The following EPM2A variants were observed in gnomAD, a reference collection of about 807,000 sequenced individuals.
EPM2A encodes laforin.
EPM2A carries 21 observed loss-of-function variants against 26.5 expected under a neutral mutation model. The ratio of observed to expected loss-of-function variants is 0.79; its 90% CI spans 0.56 to 1.14. The LOEUF is 1.14. Among genes scored for constraint, EPM2A ranks in the 50% most tolerant of loss-of-function variants. The probability of loss-of-function intolerance (pLI) is 0.00; values close to 1 mark genes in which losing one functional copy is unlikely to be tolerated. For missense variants in EPM2A, 458 were observed against 440.8 expected, an observed-to-expected ratio of 1.04 and a Z score of -0.35; for synonymous variants, 217 against 177.6, an observed-to-expected ratio of 1.22 and a Z score of -1.76.
chr6:145,512,277 G>T (rs1207389408), intron 2 of EPM2A, among the ~76,000 whole-genome samples: 1 of 151,958 alleles, frequency 6.6e-6, no homozygotes, highest in Non-Finnish European at 1.5e-5. Context: ...CCAAAAAATA[G>T]CCTGAATTGC....
intron 2 of EPM2A, among the ~76,000 whole-genome samples, chr6:145,663,237 T>G (rs141841223): frequency 4.6e-5 from 7 of 152,200 alleles, no homozygotes; most frequent in Non-Finnish European, 8.8e-5. Flanking sequence ...ACATTAAGAT[T>G]AATAATAATT....
rs540612471 is a variant in EPM2A at position 145,445,178 on chromosome 6, G to GT, written c.555+57343dup. Among the ~76,000 whole-genome samples the GT allele has an allele frequency of 1.5e-4, 22 of 151,472 alleles. No individual in the cohort carries two copies. The South Asian group carries it at 4.4e-3, about 30-fold the overall frequency. ...AGGTGAGAGCTTAGAACTTTCTCTA[G>GT]TTTTTTTTTCTAAGTATGTACACAG... On this transcript the variant is annotated intron_variant, in intron 4 of 4. Coordinates refer to the EPM2A transcript ENST00000638717.
chr6:145,489,463 C>G (rs149322903), intron 4 of EPM2A, among the ~76,000 whole-genome samples: 190 of 152,302 alleles, frequency 1.2e-3, no homozygotes, highest in African/African-American at 4.1e-3. Context: ...CCTCCTCTGG[C>G]ATTGAGCTGG....
At chr6:145,697,793 A>G (rs375077608) in intron 1 of EPM2A, among the ~76,000 whole-genome samples, 60 of 152,272 alleles carry the variant, frequency 3.9e-4, no homozygotes, top group African/African-American at 1.3e-3. Flanking sequence ...TTCCCTGAAC[A>G]TTGCTGCTAT....
intron 4 of EPM2A, chr6:145,490,218 T>A: frequency 2.6e-6 from 3 of 1,138,332 alleles, no homozygotes; most frequent in Non-Finnish European, 3.8e-6. Flanking sequence ...ATTAATTTAC[T>A]TCCTTGCATA....
At chr6:145,548,248 T>G (rs1374521546) in intron 2 of EPM2A, among the ~76,000 whole-genome samples, 2 of 152,150 alleles carry the variant, frequency 1.3e-5, no homozygotes, top group African/African-American at 4.8e-5. Context: ...TATAATATTT[T>G]AATGAGCTTC....
chr6:145,403,313 C>T (rs1778520364), intron 4 of EPM2A, among the ~76,000 whole-genome samples: 1 of 151,962 alleles, frequency 6.6e-6, no homozygotes, highest in African/African-American at 2.4e-5. Context: ...ACCTATTGTG[C>T]TATCAAATAG....
intron 4 of EPM2A, among the ~76,000 whole-genome samples, chr6:145,439,408 A>T (rs1019859771): frequency 2.0e-5 from 3 of 152,188 alleles, no homozygotes; most frequent in Non-Finnish European, 4.4e-5. Context: ...TAATGGTTGA[A>T]CAAATTTACA....
chr6:145,605,949 G>T (rs76022362), intron 2 of EPM2A, among the ~76,000 whole-genome samples: 6,228 of 152,094 alleles, frequency 0.041, 427 homozygotes, highest in African/African-American at 0.14. Context: ...CATTGTTAAA[G>T]AAATAATATA....
intron 2 of EPM2A, among the ~76,000 whole-genome samples, chr6:145,584,550 C>T (rs1324290701): frequency 6.6e-6 from 1 of 152,190 alleles, no homozygotes; most frequent in Non-Finnish European, 1.5e-5. Flanking sequence ...CTGGGCTCCA[C>T]ACAGGCTGGA....
rs535898872 is a variant in EPM2A at position 145,640,619 on chromosome 6, C to A, written c.477-5133G>T. On this transcript the variant is annotated intron_variant, in intron 2 of 3. Coordinates refer to ENST00000367519, the MANE Select transcript of EPM2A (RefSeq NM_005670.4). Reference sequence around the variant, plus strand: ...TTTCCTAAGTTGGATAATTGTGTTGCATTTATCTTATTTAATATTTTACGG... The same window carrying A: ...TTTCCTAAGTTGGATAATTGTGTTGAATTTATCTTATTTAATATTTTACGG... 12 of 152,152 alleles carry A rather than the reference C, an allele frequency of 7.9e-5. No individual in the cohort carries two copies. In the South Asian group the frequency reaches 2.5e-3, roughly 32 times the overall value. The allele number at this position is 152,152 out of a possible 1,614,324, so 9.4% of individuals were successfully genotyped here. A position where few individuals can be genotyped will look rare whatever the true frequency, so the allele number is the denominator to read the frequency against.
chr6:145,635,213 C>A, intron 3 of EPM2A, 32 bp downstream of exon 3: 1 of 1,613,664 alleles, frequency 6.2e-7, no homozygotes, highest in Non-Finnish European at 8.5e-7. Context: ...CTCTGAAATA[C>A]AGCAAGGAGG....
intron 2 of EPM2A, among the ~76,000 whole-genome samples, chr6:145,615,257 T>C (rs1245724678): frequency 6.6e-6 from 1 of 152,080 alleles, no homozygotes; most frequent in African/African-American, 2.4e-5. Flanking sequence ...AGTGAATAAG[T>C]CTCACAAGAT....
At chr6:145,480,760 T>A (rs1021637779) in intron 4 of EPM2A, among the ~76,000 whole-genome samples, 14 of 152,282 alleles carry the variant, frequency 9.2e-5, no homozygotes, top group Admixed American at 2.0e-4. Flanking sequence ...TGCTTATTTT[T>A]ATGATTTCCT....
At chr6:145,436,832 G>GT (rs973614533) in intron 4 of EPM2A, among the ~76,000 whole-genome samples, 15 of 150,830 alleles carry the variant, frequency 9.9e-5, no homozygotes, top group African/African-American at 1.9e-4. Flanking sequence ...TATTTTATTT[G>GT]TTTTTTTTCC....
intron 4 of EPM2A, among the ~76,000 whole-genome samples, chr6:145,480,317 G>C (rs961019965): frequency 2.0e-5 from 3 of 151,960 alleles, no homozygotes; most frequent in African/African-American, 7.3e-5. Context: ...GGAAGAGAGG[G>C]AAGGGGGAAG....
chr6:145,472,299 A>G (rs1383938357), intron 4 of EPM2A, among the ~76,000 whole-genome samples: 1 of 151,802 alleles, frequency 6.6e-6, no homozygotes, highest in African/African-American at 2.4e-5. Context: ...TGAGCCCCTG[A>G]GACTTGCTGG....
exon 5 of EPM2A, chr6:145,383,972 T>G (rs1301497352): frequency 6.6e-6 from 1 of 152,318 alleles, no homozygotes; most frequent in South Asian, 2.1e-4. Flanking sequence ...AAGGTTACAT[T>G]TTATTAATGC....
At chr6:145,585,125 T>C (rs1281896165) in intron 2 of EPM2A, among the ~76,000 whole-genome samples, 1 of 152,204 alleles carries the variant, frequency 6.6e-6, no homozygotes, top group Non-Finnish European at 1.5e-5. Flanking sequence ...CTCTGAGTGC[T>C]TTTAAGATTT....
Sources: allele counts gnomAD v4.1 joint callset (sites outside exome capture counted in the v4.1 genomes callset), GRCh38; gene constraint gnomAD v4.1.1; transcripts MANE v1.5; gene names NCBI Gene and HGNC (gene_info 2026-07-23, HGNC 2026-07-21).